The following MYT1L variants were observed in gnomAD, a reference collection of about 807,000 sequenced individuals.
MYT1L encodes myelin transcription factor 1-like protein.
In MYT1L, 12 loss-of-function variants were observed where a neutral mutation model predicts 126.7. The observed-to-expected ratio is 0.09, with a 90% CI of 0.06 to 0.15. The LOEUF (loss-of-function observed/expected upper bound fraction) is 0.15, where lower values mean the gene tolerates loss of function less well. MYT1L is among the 10% of genes least tolerant of loss of function. The probability of loss-of-function intolerance (pLI) is 1.00; values close to 1 mark genes in which losing one functional copy is unlikely to be tolerated. For missense variants in MYT1L, 979 were observed against 1,585.2 expected, an observed-to-expected ratio of 0.62 and a Z score of 6.49; for synonymous variants, 541 against 604.2, an observed-to-expected ratio of 0.90 and a Z score of 1.53.
intron 3 of MYT1L, among the ~76,000 whole-genome samples, chr2:2,091,879 GC>G (rs758414531): frequency 2.0e-5 from 3 of 152,184 alleles, no homozygotes; most frequent in Non-Finnish European, 2.9e-5. Flanking sequence ...TTCTTCTGCA[GC>G]TTCCTCATCT....
At chr2:2,024,203 G>A (rs1200631818) in intron 4 of MYT1L, among the ~76,000 whole-genome samples, 3 of 152,048 alleles carry the variant, frequency 2.0e-5, no homozygotes, top group African/African-American at 4.8e-5. Context: ...TCTTGTAGGC[G>A]TCTTGGAATA....
chr2:1,849,629 G>A (rs1482562790), intron 19 of MYT1L, among the ~76,000 whole-genome samples: 3 of 152,208 alleles, frequency 2.0e-5, no homozygotes, highest in African/African-American at 7.2e-5. Flanking sequence ...TGCGGAGGAC[G>A]GCCCCCACGG....
intron 18 of MYT1L, among the ~76,000 whole-genome samples, chr2:1,857,098 G>C (rs549184150): frequency 1.3e-5 from 2 of 152,234 alleles, no homozygotes; most frequent in Admixed American, 1.3e-4. Flanking sequence ...TTTCACAGGA[G>C]CATGAACACG....
chr2:2,272,471 A>G (rs1228066101), intron 2 of MYT1L, among the ~76,000 whole-genome samples: 4 of 152,192 alleles, frequency 2.6e-5, no homozygotes, highest in African/African-American at 9.7e-5. Flanking sequence ...TAAAAAAAGT[A>G]ATGGTCAGAT....
chr2:1,937,951 A>C (rs1044085846), intron 9 of MYT1L, among the ~76,000 whole-genome samples: 12 of 152,218 alleles, frequency 7.9e-5, no homozygotes, highest in African/African-American at 2.9e-4. Context: ...CCTGCGTGTC[A>C]CCGGATTTAG....
intron 3 of MYT1L, among the ~76,000 whole-genome samples, chr2:2,152,456 G>A (rs535324840): frequency 1.1e-4 from 17 of 152,342 alleles, no homozygotes; most frequent in African/African-American, 2.4e-4. Context: ...GGAGAATACC[G>A]TAGGTTCCAG....
intron 8 of MYT1L, among the ~76,000 whole-genome samples, chr2:1,950,499 G>A (rs1158719679): frequency 6.6e-6 from 1 of 151,990 alleles, no homozygotes; most frequent in African/African-American, 2.4e-5. Flanking sequence ...GACCAAGATG[G>A]GTGTGGGACA....
chr2:2,282,498 C>A (rs190941717), intron 2 of MYT1L, among the ~76,000 whole-genome samples: 88 of 152,172 alleles, frequency 5.8e-4, no homozygotes, highest in Middle Eastern at 3.4e-3. Flanking sequence ...GTGATAGGAC[C>A]ACACATAAAA....
In MYT1L at chr2:2,295,549, G is replaced by C. The variant is rs12472469; in HGVS notation, c.-520-11046C>G. 3.9e-3 allele frequency among the ~76,000 whole-genome samples: 175 copies of C among 45,398 alleles called. 14 individuals carry two copies. Among genetic ancestry groups the C allele is most frequent in the African/African-American group, 0.012 (165 of 13,976 alleles). 29.8% of individuals were successfully genotyped at this position (45,398 alleles called of 152,430 possible). ...GTGCAGAGAAAGATAGAGAGAGAGA[G>C]AGAGAGACAGACAGACAGAGAGAGA... On this transcript the variant is annotated intron_variant, in intron 1 of 24. Coordinates refer to ENST00000647738, the MANE Select transcript of MYT1L (RefSeq NM_001303052.2).
At chr2:2,309,446 C>A (rs1036030594) in intron 1 of MYT1L, among the ~76,000 whole-genome samples, 15 of 151,734 alleles carry the variant, frequency 9.9e-5, no homozygotes, top group African/African-American at 3.6e-4. Flanking sequence ...CTTTGGTATA[C>A]TCTACATAGA....
chr2:1,886,387 G>T, intron 18 of MYT1L, 152 bp downstream of exon 18: 1 of 484,780 alleles, frequency 2.1e-6, no homozygotes, highest in Non-Finnish European at 3.5e-6. Flanking sequence ...CTGAAATTCC[G>T]AGGATTCAAT....
intron 5 of MYT1L, among the ~76,000 whole-genome samples, chr2:1,994,351 G>T (rs1484809587): frequency 6.7e-6 from 1 of 149,552 alleles, no homozygotes; most frequent in Non-Finnish European, 1.5e-5. Flanking sequence ...AGTCCTCCTG[G>T]GGGGCTCAGC....
chr2:2,164,598 G>C (rs777641210), intron 3 of MYT1L, among the ~76,000 whole-genome samples: 1 of 152,144 alleles, frequency 6.6e-6, no homozygotes, highest in Non-Finnish European at 1.5e-5. Flanking sequence ...CTCACATAGG[G>C]TAGCCACCCC....
At position 2,153,590 on chromosome 2, in the gene MYT1L, A is replaced by C. The variant is rs116309923; in HGVS notation, c.-304+19282T>G. Among the ~76,000 whole-genome samples, 1,517 of 152,346 alleles carry C rather than the reference A, an allele frequency of 1.0e-2. 10 individuals are homozygous for C. The highest frequency in any genetic ancestry group is 0.017 in the Non-Finnish European group (1,138 of 68,036). On this transcript the variant is annotated intron_variant, in intron 3 of 24. Transcript: ENST00000647738. ...GTGAGGAAGAGGAAAATCTTTACTA[A>C]GGGATCGATGGTGTCAGGTGTGGCT...
At chr2:1,956,738 A>G (rs541863490) in intron 8 of MYT1L, among the ~76,000 whole-genome samples, 3 of 152,246 alleles carry the variant, frequency 2.0e-5, no homozygotes, top group Non-Finnish European at 1.5e-5. Context: ...GACAAGAGAT[A>G]TAAGTTGACA....
chr2:2,004,303 ATGCGTTCTTTCC>A (rs1558698272), intron 4 of MYT1L, among the ~76,000 whole-genome samples: 12 of 123,442 alleles, frequency 9.7e-5, no homozygotes, highest in Admixed American at 1.6e-4. Context: ...TCTTTCCTGC[ATGCGTTCTTTCC>A]TGCAGGCGTT....
chr2:2,180,476 T>C (rs1376800248), intron 2 of MYT1L, among the ~76,000 whole-genome samples: 1 of 151,964 alleles, frequency 6.6e-6, no homozygotes, highest in Non-Finnish European at 1.5e-5. Flanking sequence ...GACAACTCGA[T>C]GTGGGTGTGT....
intron 3 of MYT1L, among the ~76,000 whole-genome samples, chr2:2,153,894 G>A (rs1015425685): frequency 6.6e-6 from 1 of 152,136 alleles, no homozygotes; most frequent in Non-Finnish European, 1.5e-5. Context: ...ACCCCCGGGT[G>A]CAGCGTGTGA....
At chr2:2,052,414 TA>T (rs925086154) in intron 4 of MYT1L, among the ~76,000 whole-genome samples, 2 of 152,120 alleles carry the variant, frequency 1.3e-5, no homozygotes, top group African/African-American at 2.4e-5. Context: ...AAGTATAGGT[TA>T]AAAAAATGTC....
Sources: allele counts gnomAD v4.1 joint callset (sites outside exome capture counted in the v4.1 genomes callset), GRCh38; gene constraint gnomAD v4.1.1; transcripts MANE v1.5; gene names NCBI Gene and HGNC (gene_info 2026-07-23, HGNC 2026-07-21).